RYR2: variants seen among roughly 807,000 people sequenced by gnomAD.
RYR2 encodes the protein cardiac muscle ryanodine receptor-calcium release channel.
In RYR2, 227 loss-of-function variants were observed where a neutral mutation model predicts 601.1. The observed-to-expected ratio is 0.38, with a 90% CI of 0.34 to 0.42. RYR2 has a LOEUF of 0.42. RYR2 is among the 10% of genes least tolerant of loss of function. The probability of loss-of-function intolerance (pLI) is 1.00; values close to 1 mark genes in which losing one functional copy is unlikely to be tolerated. For synonymous variants in RYR2, 2,223 were observed against 2,175.1 expected (o/e 1.02, Z -0.61); for missense variants, 4,646 against 6,156.5 (o/e 0.75, Z 8.21).
At chr1:237,334,654 G>C (rs980964510) in intron 3 of RYR2, among the ~76,000 whole-genome samples, 3 of 152,108 alleles carry the variant, frequency 2.0e-5, no homozygotes, top group African/African-American at 7.2e-5. Context: ...CTGTTGAGCA[G>C]CAACCATCTC....
At chr1:237,492,754 T>G (rs572766597) in intron 18 of RYR2, among the ~76,000 whole-genome samples, 200 bp from the exon 19 acceptor site, 3 of 150,616 alleles carry the variant, frequency 2.0e-5, no homozygotes, top group African/African-American at 7.4e-5. Flanking sequence ...TGCCCAGGAG[T>G]TCAAGTCTGC....
chr1:237,461,692 C>G (rs1162076458), intron 16 of RYR2, among the ~76,000 whole-genome samples: 1 of 145,634 alleles, frequency 6.9e-6, no homozygotes, highest in Non-Finnish European at 1.5e-5. Flanking sequence ...TAATTGATAG[C>G]AAAAGTAAAA....
At chr1:237,063,960 A>G (rs1663214488) in intron 1 of RYR2, among the ~76,000 whole-genome samples, 1 of 152,064 alleles carries the variant, frequency 6.6e-6, no homozygotes, top group Non-Finnish European at 1.5e-5. Flanking sequence ...TTTCCTTTAA[A>G]GGTGATATTT....
intron 10 of RYR2, among the ~76,000 whole-genome samples, chr1:237,399,445 C>T (rs181063204): frequency 5.9e-5 from 9 of 152,132 alleles, no homozygotes; most frequent in Admixed American, 3.3e-4. Flanking sequence ...AACTTTGTGG[C>T]GTAGGATCTT....
At chr1:237,556,467 A>ATTTTTTTTTTT in intron 27 of RYR2, among the ~76,000 whole-genome samples, 1 of 139,600 alleles carries the variant, frequency 7.2e-6, no homozygotes, top group Non-Finnish European at 1.5e-5. Flanking sequence ...GGCCCGGCTA[A>ATTTTTTTTTTT]TTTTTTTTTT....
rs549289499 is a variant in RYR2, at chr1:237,380,898, T to G, written c.576+3463T>G. Among the ~76,000 whole-genome samples, 12 of 151,882 alleles carry G rather than the reference T, an allele frequency of 7.9e-5. No individual in the cohort carries two copies. The South Asian group carries it at 2.5e-3, about 32-fold the overall frequency. On this transcript the variant is annotated intron_variant, in intron 8 of 104. Transcript: ENST00000366574. Reference sequence around the variant, plus strand: ...TTCAGGACCAGCCTGGCCAACATGGTGAAGCCCCGTCTCTACTAAAAATAC... The same window carrying G: ...TTCAGGACCAGCCTGGCCAACATGGGGAAGCCCCGTCTCTACTAAAAATAC...
chr1:237,720,424 A>T (rs556528620), intron 73 of RYR2, among the ~76,000 whole-genome samples: 15 of 152,242 alleles, frequency 9.9e-5, no homozygotes, highest in Non-Finnish European at 1.6e-4. Context: ...AGCAAATTTC[A>T]TGTGAAGTTT....
chr1:237,509,028 C>T (rs1665604416), intron 23 of RYR2, among the ~76,000 whole-genome samples: 3 of 152,058 alleles, frequency 2.0e-5, no homozygotes, highest in Non-Finnish European at 4.4e-5. Context: ...AGGCGTGAGC[C>T]ACCGCGCCCG....
At chr1:237,234,979 T>C (rs1685409489) in intron 1 of RYR2, among the ~76,000 whole-genome samples, 1 of 152,098 alleles carries the variant, frequency 6.6e-6, no homozygotes, top group Non-Finnish European at 1.5e-5. Context: ...TAGAAGTCTT[T>C]AAAAGCACTG....
Position 237,778,762 on chromosome 1 carries a change from C to T in RYR2, c.11872C>T (p.Leu3958=), listed in dbSNP as rs1694863165. The change falls in exon 88 of 105, where the codon CTG becomes TTG. Residue 3958 remains leucine, a synonymous_variant. Transcript: ENST00000366574. ...TGTGTTTGCCCATATGCAGATGAAG[C>T]TGTCGCAGGTAAACTAACTAACTGC... ...LHVFAHMQMK[L]SQDSSQIELL... The T allele has an allele frequency of 6.3e-7, 1 of 1,585,244 alleles. No individual in the cohort carries two copies. Among genetic ancestry groups the T allele is most frequent in the African/African-American group, 1.3e-5 (1 of 74,460 alleles).
chr1:237,511,556 G>A lies in RYR2; in HGVS notation c.2719-132G>A, dbSNP rs6672388. The stretch of plus-strand genomic sequence containing the variant: ...TCACTGCGCCTGAGAGGTTGTGGGG[G>A]CAGCTTTGCAGGGGTAATGATCTGG... On this transcript the variant is annotated intron_variant, in intron 23 of 104. Coordinates refer to ENST00000366574, the MANE Select transcript of RYR2 (RefSeq NM_001035.3). 10,627 of 645,562 alleles carry A rather than the reference G, an allele frequency of 0.016. 448 individuals carry two copies. Among genetic ancestry groups the A allele is most frequent in the African/African-American group, 0.12 (6,896 of 56,508 alleles). The allele number at this position is 645,562 out of a possible 1,614,324, so 40.0% of individuals were successfully genotyped here.
chr1:237,263,604 C>A (rs922272178), intron 1 of RYR2, among the ~76,000 whole-genome samples: 1 of 152,158 alleles, frequency 6.6e-6, no homozygotes, highest in Admixed American at 6.5e-5. Flanking sequence ...TAGGCTCACC[C>A]TTGAGTGCTT....
chr1:237,056,288 G>A (rs534929765), intron 1 of RYR2, among the ~76,000 whole-genome samples: 2 of 139,482 alleles, frequency 1.4e-5, no homozygotes, highest in South Asian at 4.7e-4. Flanking sequence ...CTATACCTGT[G>A]AGGACTGGAA....
chr1:237,227,617 C>T (rs1404218881), intron 1 of RYR2, among the ~76,000 whole-genome samples: 2 of 152,164 alleles, frequency 1.3e-5, no homozygotes, highest in African/African-American at 2.4e-5. Flanking sequence ...CTGGGTACTC[C>T]AGTTTCCTCT....
intron 1 of RYR2, among the ~76,000 whole-genome samples, chr1:237,237,474 C>T (rs551905062): frequency 2.9e-4 from 44 of 152,226 alleles, no homozygotes; most frequent in African/African-American, 9.6e-4. Flanking sequence ...GGACATGTTC[C>T]GTTACACTCT....
chr1:237,809,598 A>T (rs1661042269), intron 100 of RYR2, among the ~76,000 whole-genome samples: 1 of 152,140 alleles, frequency 6.6e-6, no homozygotes, highest in Non-Finnish European at 1.5e-5. Flanking sequence ...CATACATGAG[A>T]TCTTAGATCA....
At chr1:237,642,840 G>C (rs1343447025) in intron 47 of RYR2, among the ~76,000 whole-genome samples, 1 of 152,174 alleles carries the variant, frequency 6.6e-6, no homozygotes, top group African/African-American at 2.4e-5. Flanking sequence ...CCAGCCTTGG[G>C]AGAAATCAGG....
At chr1:237,253,119 G>A (rs1431788655) in intron 1 of RYR2, among the ~76,000 whole-genome samples, 4 of 147,858 alleles carry the variant, frequency 2.7e-5, no homozygotes, top group Non-Finnish European at 5.9e-5. Flanking sequence ...AGCTGAGATC[G>A]TGCCACTGCA....
At chr1:237,466,011 A>G (rs1475877019) in intron 16 of RYR2, among the ~76,000 whole-genome samples, 1 of 152,154 alleles carries the variant, frequency 6.6e-6, no homozygotes, top group East Asian at 1.9e-4. Context: ...ACATTTCAAT[A>G]TTACTCATGA....
Sources: allele counts gnomAD v4.1 joint callset (sites outside exome capture counted in the v4.1 genomes callset), GRCh38; gene constraint gnomAD v4.1.1; transcripts MANE v1.5; gene names NCBI Gene and HGNC (gene_info 2026-07-23, HGNC 2026-07-21).